RPL11: variants seen among roughly 807,000 people sequenced by gnomAD.
RPL11 encodes the protein ribosomal protein L11.
In RPL11, 3 loss-of-function variants were observed where a neutral mutation model predicts 24.1. That is an observed-to-expected ratio of 0.12 (90% CI 0.06 to 0.32). The LOEUF is 0.32. RPL11 is among the 10% of genes least tolerant of loss of function. The pLI, the probability that RPL11 is intolerant of heterozygous loss-of-function variation, is 1.00. For missense variants in RPL11, 146 were observed against 225.7 expected (o/e 0.65, Z 2.26); for synonymous variants, 96 against 75.7 (o/e 1.27, Z -1.39).
chr1:23,693,816 C>T lies in RPL11; in HGVS notation c.167C>T (p.Thr56Ile), dbSNP rs1644516721. The change falls in exon 3 of 6, where the codon ACT (threonine) becomes ATT (isoleucine). Residue 56 changes from threonine to isoleucine, a missense_variant. Transcript: ENST00000643754. ...TACCCACTTCCTGCAGCTAGATACA[C>T]TGTCAGATCCTTTGGCATCCGGAGA... is the stretch of plus-strand genomic sequence containing the variant. ...QTPVFSKARY[T>I]VRSFGIRRNE... The T allele has an allele frequency of 1.2e-6, 2 of 1,613,846 alleles. No individual in the cohort carries two copies.
intron 2 of RPL11, among the ~76,000 whole-genome samples, chr1:23,693,145 C>G (rs1644511986): frequency 6.6e-6 from 1 of 152,210 alleles, no homozygotes; most frequent in Non-Finnish European, 1.5e-5. Flanking sequence ...ATTAGTGCCA[C>G]TGCACTCCAG....
chr1:23,695,531 C>T (rs1644528079), intron 4 of RPL11: 3 of 494,620 alleles, frequency 6.1e-6, no homozygotes, highest in Non-Finnish European at 7.4e-6. Flanking sequence ...GATTTGGGAG[C>T]AGTAATGGAG....
In RPL11 at chr1:23,694,391, G is replaced by A. The variant is rs890129960; in HGVS notation, c.265-269G>A. On this transcript the variant is annotated intron_variant, in intron 3 of 5. Coordinates refer to ENST00000643754, the MANE Select transcript of RPL11 (RefSeq NM_000975.5). ...AGACTCTTGTCTCAAAAAAAAAAAA[G>A]AAAAAGGATGCTTGGGAGTCATTTC... Among the ~76,000 whole-genome samples the A allele has an allele frequency of 6.0e-5, 9 of 150,898 alleles. No homozygotes were observed. The East Asian group carries it at 1.2e-3, about 20-fold the overall frequency.
chr1:23,695,012 C>G (rs376381946), intron 4 of RPL11: 1 of 644,776 alleles, frequency 1.6e-6, no homozygotes, highest in Non-Finnish European at 2.7e-6. Flanking sequence ...AACTTGCAGT[C>G]GAGGATCTGT....
chr1:23,692,846 A>G, intron 2 of RPL11, 87 bp downstream of exon 2: 2 of 1,562,260 alleles, frequency 1.3e-6, no homozygotes, highest in South Asian at 2.2e-5. Flanking sequence ...CTGTTTAGAA[A>G]GTGACAGTCG....
Position 23,696,425 on chromosome 1 carries a change from A to G in RPL11, c.*52A>G, listed in dbSNP as rs60606712. 2.6e-3 allele frequency: 4,012 copies of G among 1,563,298 alleles called. 63 individuals are homozygous for G. In the African/African-American group the frequency reaches 0.034, roughly 13 times the overall value. ...TAAAAAGTTTTCAGTGAAATGTGCA[A>G]TTCTGTTGTGTGTTCTGTGAAAGGA... On this transcript the variant is annotated 3_prime_UTR_variant, in exon 6 of 6. Transcript: ENST00000643754.
rs1459745321 is a variant in RPL11, at chr1:23,693,924, T to TA, written c.264+11_264+12insA. The TA allele has an allele frequency of 1.9e-6, 3 of 1,595,650 alleles. No individual in the cohort carries two copies. Among genetic ancestry groups the TA allele is most frequent in the Non-Finnish European group, 2.6e-6 (3 of 1,163,204 alleles). On this transcript the variant is annotated intron_variant, in intron 3 of 5. Coordinates refer to ENST00000643754, the MANE Select transcript of RPL11 (RefSeq NM_000975.5). ...GAGAAGGGTCTAAAGGTGAGCCTAATCCCCTAATGGAGTGATATTGATCAG... is the reference window on the plus strand; with the variant it reads ...GAGAAGGGTCTAAAGGTGAGCCTAATACCCCTAATGGAGTGATATTGATCAG...
chr1:23,695,127 G>C, intron 4 of RPL11: 1 of 388,154 alleles, frequency 2.6e-6, no homozygotes. Context: ...TGGCCTATGG[G>C]TTGGTTGGCT....
In RPL11 at chr1:23,696,426, T is replaced by C; in HGVS notation, c.*53T>C. ...AAAAAGTTTTCAGTGAAATGTGCAA[T>C]TCTGTTGTGTGTTCTGTGAAAGGAT... On this transcript the variant is annotated 3_prime_UTR_variant, in exon 6 of 6. Coordinates refer to ENST00000643754, the MANE Select transcript of RPL11 (RefSeq NM_000975.5). The C allele has an allele frequency of 6.4e-7, 1 of 1,556,372 alleles. No individual in the cohort carries two copies. Among genetic ancestry groups the C allele is most frequent in the Non-Finnish European group, 8.9e-7 (1 of 1,128,178 alleles).
intron 1 of RPL11, 145 bp from the exon 2 acceptor site, chr1:23,692,464 C>T (rs887624618): frequency 9.0e-6 from 9 of 999,166 alleles, no homozygotes; most frequent in Non-Finnish European, 1.4e-5. Context: ...CCCTTGATGT[C>T]CCCTAAACAT....
rs1644523161 is a variant in RPL11 at position 23,694,786 on chromosome 1, T to A, written c.391T>A (p.Tyr131Asn). The A allele has an allele frequency of 6.2e-7, 1 of 1,614,218 alleles. No homozygotes were observed. The highest frequency in any genetic ancestry group is 1.3e-5 in the African/African-American group (1 of 75,050). ...PSIGIYGLDF[Y>N]VVLGRPGFSI... ...CATTGGTATCTACGGCCTGGACTTC[T>A]ATGTGGTATGAATATTTAATCTTTT... The change falls in exon 4 of 6, where the codon TAT (tyrosine) becomes AAT (asparagine). Residue 131 changes from tyrosine (Y) to asparagine (N), a missense_variant. Transcript: ENST00000643754.
rs779597775 is a variant in RPL11 at position 23,694,697 on chromosome 1, A to C, written c.302A>C (p.Asp101Ala). 1.2e-6 allele frequency: 2 copies of C among 1,614,090 alleles called. No individual in the cohort carries two copies. The highest frequency in any genetic ancestry group is 2.7e-5 in the African/African-American group (2 of 75,018). The change falls in exon 4 of 6, where the codon GAT becomes GCT. Residue 101 changes from aspartate (D) to alanine (A), a missense_variant. By Grantham distance (126) the Asp-to-Ala change is moderately radical. Transcript: ENST00000643754. ...GAGTTAAGAAAAAACAACTTCTCAG[A>C]TACTGGAAACTTTGGTTTTGGGATC... ...EYELRKNNFS[D>A]TGNFGFGIQE...
intron 4 of RPL11, chr1:23,695,573 T>G (rs1570568820): frequency 1.7e-6 from 1 of 574,264 alleles, no homozygotes; most frequent in Non-Finnish European, 3.2e-6. Context: ...ATAGGCTGGG[T>G]TAGGGGGGTG....
chr1:23,695,001 G>A (rs975651056), intron 4 of RPL11: 48 of 697,962 alleles, frequency 6.9e-5, no homozygotes, highest in African/African-American at 6.7e-4. Flanking sequence ...TGCTGTTGGG[G>A]AACTTGCAGT....
intron 2 of RPL11, among the ~76,000 whole-genome samples, chr1:23,692,999 C>T (rs1420288030): frequency 6.6e-6 from 1 of 151,284 alleles, no homozygotes; most frequent in African/African-American, 2.4e-5. Flanking sequence ...AAAGATTTTC[C>T]TAAGTAACTA....
At chr1:23,696,001 G>T in intron 5 of RPL11, 93 bp downstream of exon 5, 1 of 1,217,234 alleles carries the variant, frequency 8.2e-7, no homozygotes, top group Admixed American at 2.0e-5. Flanking sequence ...CTATTTGCTG[G>T]GTATCTTCTT....
chr1:23,693,812 T>A lies in RPL11; in HGVS notation c.163T>A (p.Tyr55Asn). ...TTGTTACCCACTTCCTGCAGCTAGA[T>A]ACACTGTCAGATCCTTTGGCATCCG... ...GQTPVFSKAR[Y>N]TVRSFGIRRN... is the part of the protein sequence containing the mutation. The change falls in exon 3 of 6, where the codon TAC becomes AAC. Residue 55 changes from tyrosine (Y) to asparagine (N), a missense_variant. By Grantham distance (143) the Tyr-to-Asn change is moderately radical (BLOSUM62 -2). Transcript: ENST00000643754. The A allele has an allele frequency of 6.2e-7, 1 of 1,613,888 alleles. No individual in the cohort carries two copies. Among genetic ancestry groups the A allele is most frequent in the Non-Finnish European group, 8.5e-7 (1 of 1,179,782 alleles).
chr1:23,691,862 T>C, intron 1 of RPL11, 33 bp downstream of exon 1: 2 of 1,614,190 alleles, frequency 1.2e-6, no homozygotes, highest in Non-Finnish European at 1.7e-6. Context: ...TGCTTTCCTT[T>C]ATCCGTCGCC....
chr1:23,696,224 G>A, intron 5 of RPL11, 120 bp from the exon 6 acceptor site: 2 of 963,774 alleles, frequency 2.1e-6, no homozygotes, highest in Non-Finnish European at 3.3e-6. Context: ...GTCCAGAAAA[G>A]GATGGGATTC....
Sources: allele counts gnomAD v4.1 joint callset (sites outside exome capture counted in the v4.1 genomes callset), GRCh38; gene constraint gnomAD v4.1.1; transcripts MANE v1.5; gene names NCBI Gene and HGNC (gene_info 2026-07-23, HGNC 2026-07-21).